TMEM63A: variants seen among roughly 807,000 people sequenced by gnomAD.
TMEM63A encodes mechanosensitive cation channel TMEM63A.
In TMEM63A, 76 loss-of-function variants were observed where a neutral mutation model predicts 100.6. The ratio of observed to expected loss-of-function variants is 0.76; its 90% confidence interval spans 0.63 to 0.91. TMEM63A has a LOEUF of 0.91. TMEM63A is among the 40% of genes least tolerant of loss of function. The probability of loss-of-function intolerance (pLI) is 0.00; values close to 1 mark genes in which losing one functional copy is unlikely to be tolerated. For missense variants in TMEM63A, 876 were observed against 1,008.8 expected (o/e 0.87, Z 1.78); for synonymous variants, 401 against 401.1 (o/e 1.00, Z 0.00).
At position 225,862,405 on chromosome 1, in the gene TMEM63A, G is replaced by A; in HGVS notation, c.951+50C>T. 1 of 1,613,756 alleles carries A rather than the reference G, an allele frequency of 6.2e-7. No homozygotes were observed. Among genetic ancestry groups the A allele is most frequent in the Non-Finnish European group, 8.5e-7 (1 of 1,179,706 alleles). On this transcript the variant is annotated intron_variant, in intron 12 of 24. Coordinates refer to ENST00000366835, the MANE Select transcript of TMEM63A (RefSeq NM_014698.3). The surrounding 1 kb of genome is among the most constrained non-coding windows in gnomAD (Gnocchi z 5.1). The stretch of plus-strand genomic sequence containing the variant: ...ACGTGGCCCCATGCTGGTATCTGGG[G>A]CACCCCGATGCCAATGCCTCTGCTC...
intron 1 of TMEM63A, among the ~76,000 whole-genome samples, chr1:225,880,323 C>T (rs1671026349): frequency 6.6e-6 from 1 of 152,142 alleles, no homozygotes. Context: ...GAAACAGCTC[C>T]GTCCCTCTGG....
intron 3 of TMEM63A, 65 bp downstream of exon 3, chr1:225,877,330 G>A (rs890880961): frequency 1.3e-6 from 2 of 1,505,538 alleles, no homozygotes; most frequent in Non-Finnish European, 1.8e-6. Flanking sequence ...TTTCCCAGAA[G>A]GCCCTGGGTG....
intron 15 of TMEM63A, among the ~76,000 whole-genome samples, chr1:225,857,379 C>CGGGCGGGGGG (rs1553489769): frequency 8.9e-6 from 1 of 112,714 alleles, no homozygotes; most frequent in African/African-American, 4.4e-5. Context: ...TCCTGGCCGG[C>CGGGCGGGGGG]GGGGCGGGGG....
chr1:225,852,840 G>A, intron 19 of TMEM63A, 71 bp from the exon 20 acceptor site: 2 of 1,360,772 alleles, frequency 1.5e-6, no homozygotes, highest in Non-Finnish European at 2.1e-6. Flanking sequence ...CTCTCTAAGT[G>A]GTGATGGGAG....
At chr1:225,844,100 G>A (rs908033814), downstream of TMEM63A, among the ~76,000 whole-genome samples, 9 of 152,156 alleles carry the variant, frequency 5.9e-5, no homozygotes, top group African/African-American at 2.2e-4. Context: ...ATAGGCTGTT[G>A]AGAGGAAAAC....
intron 10 of TMEM63A, among the ~76,000 whole-genome samples, chr1:225,863,691 TG>T (rs1670056776): frequency 2.0e-5 from 3 of 151,536 alleles, no homozygotes; most frequent in African/African-American, 7.3e-5. Flanking sequence ...CTGAGCCGGG[TG>T]GATCACTTGA....
intron 9 of TMEM63A, chr1:225,866,341 C>G: frequency 1.9e-6 from 1 of 538,770 alleles, no homozygotes; most frequent in Non-Finnish European, 3.3e-6. Context: ...CTGCTCTCAA[C>G]CCAAATTTCT....
intron 15 of TMEM63A, 152 bp from the exon 16 acceptor site, chr1:225,857,169 T>C (rs563214261): frequency 3.4e-6 from 2 of 594,908 alleles, no homozygotes; most frequent in East Asian, 6.6e-5. Context: ...AGGTACAGAG[T>C]TGGTAGTCCA....
chr1:225,848,779 T>G, intron 22 of TMEM63A, 118 bp downstream of exon 22: 1 of 931,920 alleles, frequency 1.1e-6, no homozygotes, highest in Non-Finnish European at 1.6e-6. Flanking sequence ...AGAAGCAGAA[T>G]CTGGAGAAGG....
intron 20 of TMEM63A, 104 bp from the exon 21 acceptor site, chr1:225,850,183 G>GGCTGCT (rs2102816656): frequency 7.3e-7 from 1 of 1,375,936 alleles, no homozygotes; most frequent in South Asian, 1.3e-5. Flanking sequence ...CCAGGGCTGG[G>GGCTGCT]GCTGCTGCTC....
chr1:225,881,873 G>T (rs1252636092), intron 1 of TMEM63A, among the ~76,000 whole-genome samples: 1 of 149,236 alleles, frequency 6.7e-6, no homozygotes, highest in Non-Finnish European at 1.5e-5. Context: ...GGTCACCCAG[G>T]AACAGCCCGA....
At chr1:225,869,703 T>C (rs988213321) in intron 6 of TMEM63A, among the ~76,000 whole-genome samples, 12 of 147,392 alleles carry the variant, frequency 8.1e-5, no homozygotes, top group Non-Finnish European at 1.3e-4. Flanking sequence ...GCTCTTTCAC[T>C]CAGGCTGGAG....
chr1:225,843,554 C>T (rs45494695), downstream of TMEM63A, among the ~76,000 whole-genome samples: 478 of 152,286 alleles, frequency 3.1e-3, 2 homozygotes, highest in Non-Finnish European at 5.6e-3. Context: ...GGGGGTCTGG[C>T]CTGCTCCTTG....
chr1:225,874,187 T>C (rs1330846287), intron 4 of TMEM63A, 101 bp downstream of exon 4: 2 of 1,175,142 alleles, frequency 1.7e-6, no homozygotes, highest in Admixed American at 2.2e-5. Context: ...ACACACACTA[T>C]ACACACATAT....
intron 4 of TMEM63A, among the ~76,000 whole-genome samples, chr1:225,874,036 G>A (rs978848986): frequency 3.9e-5 from 6 of 152,188 alleles, no homozygotes; most frequent in Admixed American, 3.3e-4. Flanking sequence ...TCATGGGTCT[G>A]TGGTGAAGAG....
At position 225,853,863 on chromosome 1, in the gene TMEM63A, G is replaced by A; in HGVS notation, c.1635-72C>T. ...AGGGAGAGGAGGGGCCCCTAGGCTG[G>A]GCAGGAGCAGAAAGCCCCTGGGAGG... On this transcript the variant is annotated intron_variant, in intron 18 of 24. Coordinates refer to ENST00000366835, the MANE Select transcript of TMEM63A (RefSeq NM_014698.3). The surrounding 1 kb of genome is among the most constrained non-coding windows in gnomAD (Gnocchi z 4.0). 1 of 1,446,184 alleles carries A rather than the reference G, an allele frequency of 6.9e-7. No homozygotes were observed. The highest frequency in any genetic ancestry group is 9.2e-7 in the Non-Finnish European group (1 of 1,090,184). 89.6% of individuals were successfully genotyped at this position (1,446,184 alleles called of 1,614,324 possible).
chr1:225,844,594 A>C, downstream of TMEM63A: 1 of 1,614,132 alleles, frequency 6.2e-7, no homozygotes, highest in Non-Finnish European at 8.5e-7. Flanking sequence ...AGAACCTGGG[A>C]CAGGGCTGGA....
At chr1:225,860,429 A>G (rs1372397651) in intron 14 of TMEM63A, 1 of 153,784 alleles carries the variant, frequency 6.5e-6, no homozygotes, top group Non-Finnish European at 1.4e-5. Context: ...AGGTGCTAGA[A>G]GTGTAAAATA....
chr1:225,844,618 T>A (rs2137841), downstream of TMEM63A: 1 of 1,614,008 alleles, frequency 6.2e-7, no homozygotes, highest in Non-Finnish European at 8.5e-7. Context: ...CCCAGAAGCA[T>A]GAGCGGTGAG....
Sources: gnomAD v4.1 joint callset for allele counts (sites outside exome capture counted in the v4.1 genomes callset) on GRCh38, gnomAD v4.1.1 for gene constraint, Gnocchi (gnomAD v3.1) non-coding constraint, MANE v1.5 for transcripts, NCBI Gene and HGNC (gene_info 2026-07-23, HGNC 2026-07-21) for gene names.